Variants in PCDH15 observed in about 807,000 individuals in gnomAD.
The protein encoded by PCDH15 is protocadherin related 15.
A neutral mutation model predicts 178.5 loss-of-function variants in PCDH15; 129 were observed. The observed-to-expected ratio is 0.72, with a 90% CI of 0.63 to 0.84. The LOEUF (loss-of-function observed/expected upper bound fraction) is 0.84. Ranked by LOEUF, PCDH15 falls within the 40% of genes least tolerant of loss-of-function variation. The pLI is 0.00. For missense variants in PCDH15, 2,230 were observed against 2,099.9 expected (o/e 1.06, Z -1.21); for synonymous variants, 800 against 732.0 (o/e 1.09, Z -1.50).
At position 54,093,958 on chromosome 10, in the gene PCDH15, T is replaced by A. The variant is rs921691858; in HGVS notation, c.1918-3895A>T. ...AAACATTTTATGTGCTTATTTTTGA[T>A]AAATCAAGTCATATCCGAGTCCCTT... On this transcript the variant is annotated intron_variant, in intron 15 of 37. Transcript: ENST00000644397. Among the ~76,000 whole-genome samples the A allele has an allele frequency of 3.3e-5, 5 of 152,190 alleles. No individual in the cohort carries two copies. In the East Asian group the frequency reaches 9.6e-4, roughly 29 times the overall value.
At chr10:53,921,834 T>C (rs139913384) in intron 25 of PCDH15, among the ~76,000 whole-genome samples, 3 of 152,264 alleles carry the variant, frequency 2.0e-5, no homozygotes, top group African/African-American at 4.8e-5. Flanking sequence ...TTACTAACCA[T>C]GCCAAAAATA....
chr10:55,525,914 GTGAC>G (rs1841292725), intron 2 of PCDH15, among the ~76,000 whole-genome samples: 1 of 152,040 alleles, frequency 6.6e-6, no homozygotes, highest in African/African-American at 2.4e-5. Flanking sequence ...TAGCATTTGT[GTGAC>G]TGACAGCATT....
At chr10:54,516,395 G>A (rs1429720302) in intron 3 of PCDH15, among the ~76,000 whole-genome samples, 16 of 152,246 alleles carry the variant, frequency 1.1e-4, no homozygotes, top group East Asian at 1.9e-4. Context: ...GCCAAGGCTC[G>A]AGAACTACGT....
chr10:54,599,142 G>GA (rs566154790), intron 2 of PCDH15, among the ~76,000 whole-genome samples: 22 of 151,644 alleles, frequency 1.5e-4, no homozygotes, highest in African/African-American at 3.1e-4. Flanking sequence ...CACAGAACTA[G>GA]AAAAAAAATC....
chr10:55,203,692 AT>A (rs1443882985), intron 1 of PCDH15, among the ~76,000 whole-genome samples: 2 of 152,152 alleles, frequency 1.3e-5, no homozygotes, highest in South Asian at 4.1e-4. Flanking sequence ...AGAGATAAAT[AT>A]TTTCCCAAGA....
At chr10:54,480,332 C>T (rs1565381535) in intron 3 of PCDH15, among the ~76,000 whole-genome samples, 2 of 152,026 alleles carry the variant, frequency 1.3e-5, no homozygotes, top group Non-Finnish European at 2.9e-5. Context: ...CTTGTGCACA[C>T]CTAAAAACTC....
chr10:55,233,682 A>T (rs1841293214), intron 1 of PCDH15, among the ~76,000 whole-genome samples: 1 of 152,084 alleles, frequency 6.6e-6, no homozygotes, highest in African/African-American at 2.4e-5. Context: ...AGCACAGTGA[A>T]GAGAGAGAAA....
At chr10:54,538,852 G>A (rs2132914104) in intron 2 of PCDH15, among the ~76,000 whole-genome samples, 1 of 152,224 alleles carries the variant, frequency 6.6e-6, no homozygotes, top group South Asian at 2.1e-4. Context: ...CCCAGTCTCA[G>A]GTAGTTCTTT....
rs775203432 is a variant in PCDH15 at position 53,822,337 on chromosome 10, G to A, written c.4368-2107C>T. The A allele has an allele frequency of 3.2e-5, 51 of 1,593,614 alleles. No individual in the cohort carries two copies. The highest frequency in any genetic ancestry group is 1.5e-4 in the South Asian group (13 of 89,602). On this transcript the variant is annotated intron_variant, in intron 32 of 37. Coordinates refer to ENST00000644397, the MANE Select transcript of PCDH15 (RefSeq NM_001384140.1). ...GGACCAGACGTTGAAACGGAAAGTGGAAAAAATGTAGGAGGAGGAAGAGGA... is the reference window on the plus strand; with the variant it reads ...GGACCAGACGTTGAAACGGAAAGTGAAAAAAATGTAGGAGGAGGAAGAGGA...
chr10:54,019,224 T>C (rs193170314), intron 20 of PCDH15, among the ~76,000 whole-genome samples: 1 of 152,236 alleles, frequency 6.6e-6, no homozygotes, highest in African/African-American at 2.4e-5. Flanking sequence ...TTTTACAATG[T>C]ACCATGATAG....
rs144400789 is a variant in PCDH15, at chr10:55,549,156, T to TTTTG, written c.-156+78465_-156+78468dup. ...TCTAATTAGGGAAGAAGAGGGTTTTTTTTGTTTGTTTGTTTGTTTTTTCCC... is the reference window on the plus strand; with the variant it reads ...TCTAATTAGGGAAGAAGAGGGTTTTTTTTGTTTGTTTGTTTGTTTGTTTTTTCCC... On this transcript the variant is annotated intron_variant, in intron 2 of 5. Coordinates refer to the PCDH15 transcript ENST00000613346. 8.9e-4 allele frequency among the ~76,000 whole-genome samples: 134 copies of TTTTG among 150,070 alleles called. 1 individual carries two copies. In the East Asian group the frequency reaches 0.023, roughly 25 times the overall value.
At chr10:55,154,501 C>T (rs777711521) in intron 2 of PCDH15, among the ~76,000 whole-genome samples, 1 of 151,970 alleles carries the variant, frequency 6.6e-6, no homozygotes, top group Non-Finnish European at 1.5e-5. Flanking sequence ...TTTGGCTTAC[C>T]GAAGCTTACT....
intron 2 of PCDH15, among the ~76,000 whole-genome samples, chr10:55,616,193 T>C (rs1472280413): frequency 1.9e-4 from 29 of 152,152 alleles, no homozygotes; most frequent in Non-Finnish European, 1.5e-5. Context: ...AAGTTACAAG[T>C]ATTGACAGAA....
intron 1 of PCDH15, among the ~76,000 whole-genome samples, chr10:55,318,845 C>A (rs1002999279): frequency 1.3e-5 from 2 of 152,088 alleles, no homozygotes; most frequent in African/African-American, 2.4e-5. Flanking sequence ...AAGAAACTTG[C>A]CTTTTTCAAA....
At chr10:55,182,656 G>A (rs1405009366) in intron 1 of PCDH15, among the ~76,000 whole-genome samples, 2 of 151,886 alleles carry the variant, frequency 1.3e-5, no homozygotes, top group African/African-American at 4.8e-5. Flanking sequence ...AAGTACAGAT[G>A]GTATGTATGA....
chr10:53,957,437 G>T (rs1261899481), intron 23 of PCDH15, among the ~76,000 whole-genome samples: 7 of 151,632 alleles, frequency 4.6e-5, no homozygotes. Context: ...ATTTATGGGG[G>T]ATATACTCCA....
chr10:54,572,589 A>T (rs1468720375), intron 2 of PCDH15, among the ~76,000 whole-genome samples: 1 of 152,150 alleles, frequency 6.6e-6, no homozygotes, highest in East Asian at 1.9e-4. Flanking sequence ...AAATTCCTGA[A>T]GATCAAGCAC....
chr10:55,395,518 G>C (rs1446798574), intron 2 of PCDH15, among the ~76,000 whole-genome samples: 1 of 151,942 alleles, frequency 6.6e-6, no homozygotes, highest in Admixed American at 6.6e-5. Flanking sequence ...AAGATAAATG[G>C]AATACATTAA....
intron 2 of PCDH15, among the ~76,000 whole-genome samples, chr10:55,442,455 T>TTATATATA (rs5785131): frequency 9.1e-4 from 110 of 121,146 alleles, no homozygotes; most frequent in African/African-American, 2.6e-3. Context: ...CTTAATTTGA[T>TTATATATA]TATATATATA....
Sources: gnomAD v4.1 joint callset for allele counts (sites outside exome capture counted in the v4.1 genomes callset) on GRCh38, gnomAD v4.1.1 for gene constraint, MANE v1.5 for transcripts, NCBI Gene and HGNC (gene_info 2026-07-23, HGNC 2026-07-21) for gene names.